The following TMEM268 variants were observed in gnomAD, a reference collection of about 807,000 sequenced individuals.
The protein encoded by TMEM268 is transmembrane protein C9orf91.
In TMEM268, 24 loss-of-function variants were observed where a neutral mutation model predicts 39.1. The observed-to-expected ratio is 0.61, with a 90% confidence interval of 0.44 to 0.86. The LOEUF is 0.86. TMEM268 is among the 40% of genes least tolerant of loss of function. The pLI, the probability that TMEM268 is intolerant of heterozygous loss-of-function variation, is 0.00. For missense variants in TMEM268, 409 were observed against 428.6 expected, an observed-to-expected ratio of 0.95 and a Z score of 0.40; for synonymous variants, 176 against 173.5, an observed-to-expected ratio of 1.01 and a Z score of -0.12.
chr9:114,642,692 G>C lies in TMEM268; in HGVS notation c.850-442G>C, dbSNP rs1030828811. On this transcript the variant is annotated intron_variant, in intron 8 of 8. Coordinates refer to ENST00000288502, the MANE Select transcript of TMEM268 (RefSeq NM_153045.4). ...GACAGAGTCTCGCTCTGTTGCCCAGGCTGGTCTCAAACTCCTGACCTCAAG... is the reference window on the plus strand; with the variant it reads ...GACAGAGTCTCGCTCTGTTGCCCAGCCTGGTCTCAAACTCCTGACCTCAAG... 1.5e-4 allele frequency among the ~76,000 whole-genome samples: 23 copies of C among 151,866 alleles called. 1 individual carries two copies. The highest frequency in any genetic ancestry group is 5.6e-4 in the African/African-American group (23 of 41,322).
intron 1 of TMEM268, among the ~76,000 whole-genome samples, chr9:114,616,705 C>G (rs1209908706): frequency 6.6e-6 from 1 of 151,734 alleles, no homozygotes; most frequent in African/African-American, 2.4e-5. Flanking sequence ...CAGTGTCTTA[C>G]AGGAAGCTAC....
At chr9:114,605,095 T>G in the TMEM268 span, among the ~76,000 whole-genome samples, 1 of 152,236 alleles carries the variant, frequency 6.6e-6, no homozygotes, top group African/African-American at 2.4e-5. Context: ...TGTTGGTCTT[T>G]ATTGTACTCA....
intron 1 of TMEM268, 51 bp from the exon 2 acceptor site, chr9:114,617,067 C>T (rs558303529): frequency 9.2e-5 from 56 of 609,074 alleles, no homozygotes; most frequent in African/African-American, 8.6e-4. Flanking sequence ...CTAGGAACCC[C>T]GGCTTGCCCA....
chr9:114,617,242 C>G lies in TMEM268; in HGVS notation c.47C>G (p.Pro16Arg). Residue 16 changes from proline to arginine, a missense_variant, in exon 2 of 9, where the codon CCC (proline) becomes CGC (arginine). Pro to Arg is a moderately radical substitution (Grantham distance 103). Coordinates refer to ENST00000288502, the MANE Select transcript of TMEM268 (RefSeq NM_153045.4). The part of the protein sequence containing the change: ...QVDPGATGPL[P>R]PSSPGWSALP... Reference sequence around the variant, plus strand: ...GACCCGGGGGCCACTGGCCCATTGCCCCCCTCCTCCCCTGGCTGGAGTGCC... The same window carrying G: ...GACCCGGGGGCCACTGGCCCATTGCGCCCCTCCTCCCCTGGCTGGAGTGCC... 6.2e-7 allele frequency: 1 copy of G among 1,612,690 alleles called. No homozygotes were observed. The highest frequency in any genetic ancestry group is 8.5e-7 in the Non-Finnish European group (1 of 1,179,396).
intron 3 of TMEM268, among the ~76,000 whole-genome samples, chr9:114,625,660 C>A (rs1447598314): frequency 6.6e-6 from 1 of 151,794 alleles, no homozygotes; most frequent in Non-Finnish European, 1.5e-5. Context: ...CCAGGCTGGT[C>A]TCGAACTCCT....
At chr9:114,636,176 T>G (rs1284263533) in intron 6 of TMEM268, among the ~76,000 whole-genome samples, 1 of 152,190 alleles carries the variant, frequency 6.6e-6, no homozygotes, top group Non-Finnish European at 1.5e-5. Context: ...AATGTGAATG[T>G]GGAAGATTTC....
intron 1 of TMEM268, among the ~76,000 whole-genome samples, chr9:114,616,868 G>A (rs956400025): frequency 1.3e-5 from 2 of 152,122 alleles, no homozygotes; most frequent in African/African-American, 4.8e-5. Flanking sequence ...CCCTGGCTGT[G>A]CCTGAGCTGG....
chr9:114,610,614 T>C (rs1845454347), upstream of TMEM268, among the ~76,000 whole-genome samples: 1 of 152,188 alleles, frequency 6.6e-6, no homozygotes, highest in Non-Finnish European at 1.5e-5. Flanking sequence ...GAAAGGTTAC[T>C]TACTTTTAAC....
Position 114,638,647 on chromosome 9 carries a change from T to C in TMEM268, c.770T>C (p.Leu257Pro). Reference protein sequence around the residue: ...GPENLEDAPLLPGNSCPNERP... With the variant: ...GPENLEDAPLPPGNSCPNERP... ...GAGAACTTGGAGGATGCTCCTCTCC[T>C]GCCCGGCAATTCTTGTCCTAACGAG... The change falls in exon 8 of 9, where the codon CTG (leucine) becomes CCG (proline). Residue 257 changes from leucine (L) to proline (P), a missense_variant. Leu to Pro is a moderately conservative substitution (Grantham distance 98). Coordinates refer to ENST00000288502, the MANE Select transcript of TMEM268 (RefSeq NM_153045.4). The C allele has an allele frequency of 6.2e-7, 1 of 1,610,462 alleles. No individual in the cohort carries two copies. The highest frequency in any genetic ancestry group is 1.1e-5 in the South Asian group (1 of 90,224).
chr9:114,624,602 T>A (rs1428054211), intron 3 of TMEM268, 143 bp downstream of exon 3: 4 of 1,337,334 alleles, frequency 3.0e-6, no homozygotes, highest in African/African-American at 3.0e-5. Context: ...ATATTAGAAG[T>A]GCCCTCTCTT....
intron 8 of TMEM268, among the ~76,000 whole-genome samples, chr9:114,642,720 A>G (rs1827407468): frequency 6.6e-6 from 1 of 152,092 alleles, no homozygotes; most frequent in South Asian, 2.1e-4. Flanking sequence ...ACCTCAAGTG[A>G]TCTTCCTACC....
chr9:114,639,902 T>C (rs1846817772), intron 8 of TMEM268, among the ~76,000 whole-genome samples: 1 of 150,822 alleles, frequency 6.6e-6, no homozygotes, highest in South Asian at 2.1e-4. Context: ...AAATCTTTTA[T>C]CTTTTTATAT....
At chr9:114,609,206 G>A (rs1845405460), upstream of TMEM268, among the ~76,000 whole-genome samples, 1 of 152,160 alleles carries the variant, frequency 6.6e-6, no homozygotes, top group Non-Finnish European at 1.5e-5. Context: ...AGCTACTCGG[G>A]AGGCTGAGGT....
At chr9:114,640,280 GT>G (rs1589363016) in intron 8 of TMEM268, among the ~76,000 whole-genome samples, 1 of 152,002 alleles carries the variant, frequency 6.6e-6, no homozygotes, top group Non-Finnish European at 1.5e-5. Flanking sequence ...AGTATCAAGT[GT>G]GTGCACATGT....
upstream of TMEM268, among the ~76,000 whole-genome samples, chr9:114,606,313 C>T (rs1375904865): frequency 6.6e-6 from 1 of 152,130 alleles, no homozygotes; most frequent in African/African-American, 2.4e-5. Flanking sequence ...CTGACTTAGG[C>T]CCGGTTTCCT....
rs139033727 is a variant in TMEM268, at chr9:114,640,634, C to A, written c.849+1908C>A. The stretch of plus-strand genomic sequence containing the variant: ...GTAGGCCAGTGTTCTTGCTACAGTT[C>A]CTTGCTTCTTACATTATTGATTTTA... On this transcript the variant is annotated intron_variant, in intron 8 of 8. Coordinates refer to ENST00000288502, the MANE Select transcript of TMEM268 (RefSeq NM_153045.4). Among the ~76,000 whole-genome samples the A allele has an allele frequency of 9.5e-3, 1,443 of 152,292 alleles. 13 individuals are homozygous for A. Among genetic ancestry groups the A allele is most frequent in the South Asian group, 0.055 (266 of 4,828 alleles).
chr9:114,645,769 T>C lies in TMEM268; in HGVS notation c.*2456T>C, dbSNP rs1247762564. ...TTCCTGACTTTTCCTTTCTTTAGAATTTTTGATGGTCTCACCTGGTGGGTG... is the reference window on the plus strand; with the variant it reads ...TTCCTGACTTTTCCTTTCTTTAGAACTTTTGATGGTCTCACCTGGTGGGTG... On this transcript the variant is annotated 3_prime_UTR_variant, in exon 9 of 9. Coordinates refer to ENST00000288502, the MANE Select transcript of TMEM268 (RefSeq NM_153045.4). 6.6e-6 allele frequency: 1 copy of C among 152,318 alleles called. No individual in the cohort carries two copies. Among genetic ancestry groups the C allele is most frequent in the East Asian group, 1.9e-4 (1 of 5,292 alleles). 9.4% of individuals were successfully genotyped at this position (152,318 alleles called of 1,614,324 possible).
At chr9:114,643,071 C>G in intron 8 of TMEM268, 63 bp from the exon 9 acceptor site, 1 of 1,554,510 alleles carries the variant, frequency 6.4e-7, no homozygotes, top group East Asian at 2.2e-5. Context: ...CCCCTGGTGC[C>G]TAAGCCCTTT....
intron 5 of TMEM268, among the ~76,000 whole-genome samples, chr9:114,630,230 C>T (rs7870135): frequency 0.83 from 126,148 of 152,106 alleles, 52,633 homozygotes; most frequent in South Asian, 0.91. Context: ...GAGCTGGGCT[C>T]TGGCCCAGGA....
Sources: allele counts gnomAD v4.1 joint callset (sites outside exome capture counted in the v4.1 genomes callset), GRCh38; gene constraint gnomAD v4.1.1; transcripts MANE v1.5; gene names NCBI Gene and HGNC (gene_info 2026-07-23, HGNC 2026-07-21).